The following PARD3B variants were observed in gnomAD, a reference collection of about 807,000 sequenced individuals.
PARD3B encodes par-3 family cell polarity regulator beta, also known as partitioning defective 3 homolog B.
In PARD3B, 103 loss-of-function variants were observed where a neutral mutation model predicts 130.2. The observed-to-expected ratio is 0.79, with a 90% CI of 0.67 to 0.93. PARD3B has a LOEUF of 0.93. PARD3B is among the 40% of genes least tolerant of loss of function. PARD3B has a pLI of 0.00. For synonymous variants in PARD3B, 583 were observed against 553.2 expected (o/e 1.05, Z -0.76); for missense variants, 1,609 against 1,499.2 (o/e 1.07, Z -1.21).
rs1314012291 is a variant in PARD3B at position 205,584,571 on chromosome 2, G to A, written c.3261-30885G>A. Among the ~76,000 whole-genome samples the A allele has an allele frequency of 2.6e-5, 4 of 151,994 alleles. No individual in the cohort carries two copies. The highest frequency in any genetic ancestry group is 1.9e-4 in the East Asian group (1 of 5,180). ...CGGGTGCCTGTAATCCCAGCTACTC[G>A]GGAGGCTGAGGCAGGAGAATCGCTT... is the stretch of plus-strand genomic sequence containing the variant. On this transcript the variant is annotated intron_variant, in intron 22 of 22. Coordinates refer to ENST00000406610, the MANE Select transcript of PARD3B (RefSeq NM_001302769.2). This position sits in a 1 kb window ranked among gnomAD's most constrained non-coding sequence, Gnocchi z 5.5.
At chr2:205,587,423 A>G (rs973826886) in intron 22 of PARD3B, among the ~76,000 whole-genome samples, 1 of 152,224 alleles carries the variant, frequency 6.6e-6, no homozygotes, top group African/African-American at 2.4e-5. Context: ...ATGGTTGACT[A>G]TTGTACTATC....
At chr2:205,499,127 T>G (rs1383801967) in intron 20 of PARD3B, among the ~76,000 whole-genome samples, 1 of 152,124 alleles carries the variant, frequency 6.6e-6, no homozygotes, top group Non-Finnish European at 1.5e-5. Context: ...TAATATCATG[T>G]GATACTGGTT....
intron 15 of PARD3B, among the ~76,000 whole-genome samples, chr2:205,204,267 G>A (rs1270231725): frequency 1.3e-5 from 2 of 152,168 alleles, no homozygotes; most frequent in Non-Finnish European, 2.9e-5. Context: ...AGAAGTGTCT[G>A]TTCATATCCT....
At chr2:205,069,570 A>G (rs929421535) in intron 4 of PARD3B, among the ~76,000 whole-genome samples, 1 of 151,988 alleles carries the variant, frequency 6.6e-6, no homozygotes, top group Non-Finnish European at 1.5e-5. Flanking sequence ...TTTAGCATAT[A>G]TATATTTTAT....
chr2:204,619,213 C>T (rs1160033922), intron 1 of PARD3B, among the ~76,000 whole-genome samples: 3 of 152,162 alleles, frequency 2.0e-5, no homozygotes, highest in Non-Finnish European at 2.9e-5. Context: ...GACATCACTT[C>T]ACATTCTAAA....
At position 205,562,480 on chromosome 2, in the gene PARD3B, G is replaced by A. The variant is rs1446626058; in HGVS notation, c.3260+9077G>A. On this transcript the variant is annotated intron_variant, in intron 22 of 22. Transcript: ENST00000406610. The surrounding 1 kb of genome is among the most constrained non-coding windows in gnomAD (Gnocchi z 5.4). ...TGTTGGCTAAGTACTCTTTTGAGAG[G>A]AAGAGTATGTGCCTGCTCTTTCGAG... 2.0e-5 allele frequency among the ~76,000 whole-genome samples: 3 copies of A among 152,164 alleles called. No homozygotes were observed. The highest frequency in any genetic ancestry group is 7.2e-5 in the African/African-American group (3 of 41,440).
intron 10 of PARD3B, among the ~76,000 whole-genome samples, chr2:205,147,874 C>T (rs1286293834): frequency 6.6e-6 from 1 of 152,074 alleles, no homozygotes; most frequent in Non-Finnish European, 1.5e-5. Context: ...TTACATTTTT[C>T]CTTTCTTTAT....
At chr2:204,813,629 A>C (rs1333600822) in intron 2 of PARD3B, among the ~76,000 whole-genome samples, 2 of 152,132 alleles carry the variant, frequency 1.3e-5, no homozygotes, top group African/African-American at 2.4e-5. Flanking sequence ...ATTTTCTTTT[A>C]GAAGTTTTAT....
At chr2:204,731,233 C>T (rs1012577010) in intron 2 of PARD3B, among the ~76,000 whole-genome samples, 17 of 152,142 alleles carry the variant, frequency 1.1e-4, no homozygotes, top group African/African-American at 4.1e-4. Flanking sequence ...TGTTATTCTG[C>T]CTTAGGGCTC....
chr2:205,451,168 A>C (rs1461561920), intron 20 of PARD3B, among the ~76,000 whole-genome samples: 1 of 152,106 alleles, frequency 6.6e-6, no homozygotes, highest in African/African-American at 2.4e-5. Context: ...CCTCTTCTTC[A>C]TGTTGCATCA....
chr2:204,813,920 G>T (rs1398138495), intron 2 of PARD3B, among the ~76,000 whole-genome samples: 1 of 151,776 alleles, frequency 6.6e-6, no homozygotes, highest in Non-Finnish European at 1.5e-5. Context: ...CTTTAACTTT[G>T]TTTCTTTTTT....
intron 3 of PARD3B, among the ~76,000 whole-genome samples, chr2:205,014,353 G>T (rs553057395): frequency 2.6e-4 from 39 of 152,282 alleles, no homozygotes; most frequent in African/African-American, 9.1e-4. Context: ...ACTGTCACAT[G>T]TACAGTTATT....
intron 21 of PARD3B, among the ~76,000 whole-genome samples, chr2:205,519,489 T>G (rs185313149): frequency 8.2e-4 from 125 of 152,380 alleles, no homozygotes; most frequent in African/African-American, 2.9e-3. Context: ...CACTTTGTTG[T>G]GATTCTTACA....
Position 205,047,581 on chromosome 2 carries a change from G to A in PARD3B, c.395G>A (p.Gly132Asp). 3 of 1,546,748 alleles carry A rather than the reference G, an allele frequency of 1.9e-6. No homozygotes were observed. The highest frequency in any genetic ancestry group is 4.9e-5 in the East Asian group (2 of 40,854). The change falls in exon 4 of 23, where the codon GGC (glycine) becomes GAC (aspartate). Residue 132 changes from glycine to aspartate, a missense_variant and splice_region_variant. By Grantham distance (94) the Gly-to-Asp change is moderately conservative. Coordinates refer to ENST00000406610, the MANE Select transcript of PARD3B (RefSeq NM_001302769.2). The part of the protein sequence containing the change: ...IEVTPSALKL[G>D]TPLLVRRSSD... ...TCTCACCTCTCACTTTGTCTTCCAG[G>A]CACTCCACTGCTGGTGAGGAGAAGC...
intron 2 of PARD3B, among the ~76,000 whole-genome samples, chr2:204,940,494 A>G (rs1399216485): frequency 6.8e-6 from 1 of 147,276 alleles, no homozygotes; most frequent in Non-Finnish European, 1.5e-5. Flanking sequence ...TTTTTTTCTC[A>G]GTTGTTTATC....
chr2:204,985,250 T>C (rs1291343340), intron 3 of PARD3B, among the ~76,000 whole-genome samples: 1 of 152,112 alleles, frequency 6.6e-6, no homozygotes, highest in South Asian at 2.1e-4. Flanking sequence ...CCTTGAACAA[T>C]TAAAGGAATG....
At chr2:204,949,711 T>G (rs1025902982) in intron 2 of PARD3B, among the ~76,000 whole-genome samples, 1 of 152,204 alleles carries the variant, frequency 6.6e-6, no homozygotes, top group African/African-American at 2.4e-5. Flanking sequence ...AAAACTACAT[T>G]TTATAAATTT....
chr2:204,826,304 A>T (rs2043569322), intron 2 of PARD3B, among the ~76,000 whole-genome samples: 1 of 152,050 alleles, frequency 6.6e-6, no homozygotes, highest in South Asian at 2.1e-4. Flanking sequence ...GTTGTTTGGG[A>T]CTTAATACTC....
chr2:204,554,949 A>G (rs2030814392), intron 1 of PARD3B, among the ~76,000 whole-genome samples: 1 of 152,218 alleles, frequency 6.6e-6, no homozygotes, highest in African/African-American at 2.4e-5. Flanking sequence ...TCACTGTGCA[A>G]AACTGTTTCT....
Sources: gnomAD v4.1 joint callset for allele counts (sites outside exome capture counted in the v4.1 genomes callset) on GRCh38, gnomAD v4.1.1 for gene constraint, Gnocchi (gnomAD v3.1) non-coding constraint, MANE v1.5 for transcripts, NCBI Gene and HGNC (gene_info 2026-07-23, HGNC 2026-07-21) for gene names.